MAST2: variants seen among roughly 807,000 people sequenced by gnomAD.
MAST2 encodes the protein microtubule associated serine/threonine kinase 2.
In MAST2, 70 loss-of-function variants were observed where a neutral mutation model predicts 147.4. The observed-to-expected ratio is 0.47, with a 90% CI of 0.39 to 0.58. MAST2 has a LOEUF of 0.58. Among genes scored for constraint, MAST2 ranks in the 20% least tolerant of loss-of-function variants. The probability of loss-of-function intolerance (pLI) is 0.00; values close to 1 mark genes in which losing one functional copy is unlikely to be tolerated. For synonymous variants in MAST2, 869 were observed against 896.8 expected, an observed-to-expected ratio of 0.97 and a Z score of 0.55; for missense variants, 2,080 against 2,302.3, an observed-to-expected ratio of 0.90 and a Z score of 1.98.
chr1:46,025,861 T>A, intron 16 of MAST2, 46 bp downstream of exon 16: 2 of 1,611,670 alleles, frequency 1.2e-6, no homozygotes, highest in Non-Finnish European at 1.7e-6. Flanking sequence ...CCCTCTTGGG[T>A]CTCCAGATAA....
chr1:45,813,005 C>A (rs142698952), intron 1 of MAST2, among the ~76,000 whole-genome samples: 2 of 152,158 alleles, frequency 1.3e-5, no homozygotes, highest in Admixed American at 6.5e-5. Context: ...GAGTACATGA[C>A]CCCCTGCAGA....
chr1:45,944,630 A>G (rs1487123426), intron 4 of MAST2, among the ~76,000 whole-genome samples: 3 of 152,186 alleles, frequency 2.0e-5, no homozygotes, highest in South Asian at 2.1e-4. Flanking sequence ...TTAATCTCCT[A>G]ATTTAATCTT....
At chr1:45,899,598 T>G (rs1426808951) in intron 4 of MAST2, among the ~76,000 whole-genome samples, 1 of 152,146 alleles carries the variant, frequency 6.6e-6, no homozygotes, top group East Asian at 1.9e-4. Context: ...TATAGAATAA[T>G]GGCCTCCAGC....
chr1:46,032,807 T>A, intron 26 of MAST2, 89 bp downstream of exon 26: 1 of 1,491,634 alleles, frequency 6.7e-7, no homozygotes, highest in Non-Finnish European at 9.1e-7. Context: ...GTGAGTTGGG[T>A]GCACACACAT....
chr1:45,877,406 G>A (rs1646652304), intron 3 of MAST2, among the ~76,000 whole-genome samples: 1 of 152,056 alleles, frequency 6.6e-6, no homozygotes, highest in Non-Finnish European at 1.5e-5. Flanking sequence ...GCCTTATGAA[G>A]GCCTTAATCC....
chr1:46,027,626 CA>C (rs1571269351), intron 16 of MAST2, 104 bp from the exon 17 acceptor site: 1 of 1,252,634 alleles, frequency 8.0e-7, no homozygotes, highest in African/African-American at 1.5e-5. Flanking sequence ...TTGTGTCTCA[CA>C]GTACCCCCAT....
intron 5 of MAST2, among the ~76,000 whole-genome samples, chr1:45,990,260 A>T (rs780535088): frequency 1.3e-5 from 2 of 152,148 alleles, no homozygotes; most frequent in Admixed American, 1.3e-4. Context: ...TGAGTATCCA[A>T]TTGTAGTTTT....
intron 10 of MAST2, 118 bp downstream of exon 10, chr1:46,011,057 A>C: frequency 1.2e-6 from 1 of 827,466 alleles, no homozygotes; most frequent in Non-Finnish European, 1.9e-6. Context: ...CTTGTTACCC[A>C]CCCTCAAAGG....
intron 10 of MAST2, among the ~76,000 whole-genome samples, chr1:46,017,579 A>C (rs1214367196): frequency 1.3e-5 from 2 of 152,090 alleles, no homozygotes; most frequent in Non-Finnish European, 2.9e-5. Context: ...GCTCACCATC[A>C]CTGGCCATCA....
chr1:45,942,690 G>C (rs1238448570), intron 4 of MAST2, among the ~76,000 whole-genome samples: 1 of 152,150 alleles, frequency 6.6e-6, no homozygotes, highest in Non-Finnish European at 1.5e-5. Flanking sequence ...ACTAGGAAAT[G>C]TTTGGTAAAT....
intron 1 of MAST2, among the ~76,000 whole-genome samples, chr1:45,817,329 G>A (rs181758368): frequency 3.9e-5 from 6 of 152,138 alleles, no homozygotes; most frequent in Non-Finnish European, 7.4e-5. Flanking sequence ...AAAGCAGTAA[G>A]AGAAAAAACA....
intron 4 of MAST2, among the ~76,000 whole-genome samples, chr1:45,950,286 C>T (rs1367137857): frequency 6.6e-6 from 1 of 152,038 alleles, no homozygotes; most frequent in African/African-American, 2.4e-5. Flanking sequence ...ATGTGCTAGT[C>T]TCAATAACCT....
chr1:45,992,492 G>GT (rs1571109550), intron 5 of MAST2, among the ~76,000 whole-genome samples: 1 of 152,086 alleles, frequency 6.6e-6, no homozygotes, highest in Admixed American at 6.5e-5. Flanking sequence ...GGTCTGTAGT[G>GT]TTTTTTTCTT....
At chr1:45,908,468 T>C (rs376134152) in intron 4 of MAST2, among the ~76,000 whole-genome samples, 2 of 152,236 alleles carry the variant, frequency 1.3e-5, no homozygotes, top group East Asian at 1.9e-4. Context: ...TTCCATAATT[T>C]GGTGTGTGTG....
chr1:45,812,048 G>A (rs752615757), intron 1 of MAST2, among the ~76,000 whole-genome samples: 1 of 152,114 alleles, frequency 6.6e-6, no homozygotes, highest in Non-Finnish European at 1.5e-5. Context: ...GGAATTACAG[G>A]TGTGAGCCAC....
At chr1:45,964,632 A>G (rs897053592) in intron 5 of MAST2, among the ~76,000 whole-genome samples, 12 of 152,046 alleles carry the variant, frequency 7.9e-5, no homozygotes, top group Non-Finnish European at 1.8e-4. Flanking sequence ...TCTTGCTAGC[A>G]GTCTATCAAT....
chr1:45,917,011 G>C (rs185594760), intron 4 of MAST2, among the ~76,000 whole-genome samples: 6 of 152,360 alleles, frequency 3.9e-5, no homozygotes, highest in South Asian at 2.1e-4. Context: ...CCAGGAGGCA[G>C]AGGTTGCAGT....
At chr1:45,806,159 C>T (rs1336884068) in intron 1 of MAST2, among the ~76,000 whole-genome samples, 1 of 152,210 alleles carries the variant, frequency 6.6e-6, no homozygotes. Flanking sequence ...CTAGAATGCT[C>T]CCTGTGCTTT....
intron 4 of MAST2, among the ~76,000 whole-genome samples, chr1:45,928,567 C>CTTTTTTTTTTTTTTT (rs11374683): frequency 5.6e-5 from 8 of 143,720 alleles, no homozygotes; most frequent in Non-Finnish European, 6.0e-5. Context: ...ATCACTCTTT[C>CTTTTTTTTTTTTTTT]TTTTTTTTTT....
Sources: allele counts gnomAD v4.1 joint callset (sites outside exome capture counted in the v4.1 genomes callset), GRCh38; gene constraint gnomAD v4.1.1; transcripts MANE v1.5; gene names NCBI Gene and HGNC (gene_info 2026-07-23, HGNC 2026-07-21).